Variants in TP53BP1 observed in about 807,000 individuals in gnomAD.
The protein encoded by TP53BP1 is TP53-binding protein 1.
In TP53BP1, 61 loss-of-function variants were observed where a neutral mutation model predicts 200.8. That is an observed-to-expected ratio of 0.30 (90% CI 0.25 to 0.38). The LOEUF (loss-of-function observed/expected upper bound fraction) is 0.38. Among genes scored for constraint, TP53BP1 ranks in the 10% least tolerant of loss-of-function variants. The probability of loss-of-function intolerance (pLI) is 1.00; values close to 1 mark genes in which losing one functional copy is unlikely to be tolerated. For synonymous variants in TP53BP1, 822 were observed against 844.3 expected (o/e 0.97, Z 0.46); for missense variants, 2,144 against 2,371.9 (o/e 0.90, Z 2.00).
At chr15:43,421,275 G>C in intron 19 of TP53BP1, 101 bp from the exon 20 acceptor site, 1 of 1,291,340 alleles carries the variant, frequency 7.7e-7, no homozygotes, top group Non-Finnish European at 1.1e-6. Flanking sequence ...GCCTACATGT[G>C]CTGAGCCTTT....
intron 16 of TP53BP1, among the ~76,000 whole-genome samples, chr15:43,434,555 A>G (rs2045746341): frequency 6.6e-6 from 1 of 152,206 alleles, no homozygotes; most frequent in South Asian, 2.1e-4. Context: ...GATGGTATTA[A>G]GAGGCAGAGC....
chr15:43,471,758 A>AT (rs1775530219), intron 10 of TP53BP1, among the ~76,000 whole-genome samples: 1 of 152,166 alleles, frequency 6.6e-6, no homozygotes, highest in Non-Finnish European at 1.5e-5. Context: ...AATTATTTTT[A>AT]TATTTTTTCA....
chr15:43,432,645 C>G lies in TP53BP1; in HGVS notation c.3224G>C (p.Gly1075Ala). ...GNLLHFPSSQ[G>A]EEEKEKLEGD... ...CTCCAATTTTTCTTTCTCCTCTTCT[C>G]CTTGAGAACTTGGAAAGTGGAGCAA... Residue 1075 changes from glycine to alanine, a missense_variant, in exon 17 of 28, where the codon GGA becomes GCA. By Grantham distance (60) the Gly-to-Ala change is moderately conservative. Coordinates refer to ENST00000382044, the MANE Select transcript of TP53BP1 (RefSeq NM_001141980.3). 6.2e-7 allele frequency: 1 copy of G among 1,605,890 alleles called. No homozygotes were observed. Among genetic ancestry groups the G allele is most frequent in the Non-Finnish European group, 8.5e-7 (1 of 1,174,948 alleles).
At position 43,422,052 on chromosome 15, in the gene TP53BP1, T is replaced by C; in HGVS notation, c.3903A>G (p.Ser1301=). The C allele has an allele frequency of 6.2e-7, 1 of 1,614,170 alleles. No individual in the cohort carries two copies. The highest frequency in any genetic ancestry group is 8.5e-7 in the Non-Finnish European group (1 of 1,180,034). ...AGGAGCTGATATCCCCCAGGTCACC[T>C]GAGGAGCCCCCAGTCTGTGAAGGGG... ...EVSPSQTGGS[S]GDLGDISSFS... The change falls in exon 19 of 28, where the codon TCA becomes TCG. Residue 1301 remains serine, a synonymous_variant. Transcript: ENST00000382044.
intron 11 of TP53BP1, among the ~76,000 whole-genome samples, chr15:43,462,132 G>C (rs1204349138): frequency 1.5e-5 from 2 of 137,750 alleles, no homozygotes; most frequent in Non-Finnish European, 3.1e-5. Flanking sequence ...AGGAGTTCGA[G>C]ACCAGCCTGA....
At chr15:43,473,099 T>C (rs2046767255) in intron 10 of TP53BP1, among the ~76,000 whole-genome samples, 1 of 152,126 alleles carries the variant, frequency 6.6e-6, no homozygotes, top group Non-Finnish European at 1.5e-5. Flanking sequence ...TTCCTCCCAG[T>C]GGGCTCGTGG....
intron 20 of TP53BP1, 81 bp from the exon 21 acceptor site, chr15:43,420,816 G>A: frequency 1.5e-6 from 2 of 1,367,208 alleles, no homozygotes; most frequent in Non-Finnish European, 2.0e-6. Context: ...CCACTCCTTT[G>A]TCCATGGGTC....
At chr15:43,485,568 C>T (rs1027353370) in intron 4 of TP53BP1, among the ~76,000 whole-genome samples, 5 of 754 alleles carry the variant, frequency 6.6e-3, no homozygotes, top group Non-Finnish European at 0.054. Flanking sequence ...CAGAGCGAGA[C>T]GCCGTCTCAA....
chr15:43,493,166 C>T (rs1054994538), upstream of TP53BP1: 28 of 1,538,372 alleles, frequency 1.8e-5, no homozygotes, highest in Admixed American at 1.2e-4. Flanking sequence ...CCCCCTTTCC[C>T]GTCACGTCAC....
At chr15:43,480,068 T>C (rs760513691) in intron 5 of TP53BP1, 51 bp from the exon 6 acceptor site, 16 of 1,550,978 alleles carry the variant, frequency 1.0e-5, no homozygotes, top group East Asian at 9.2e-5. Context: ...CATTATGCAA[T>C]GTACAAGCTG....
intron 21 of TP53BP1, among the ~76,000 whole-genome samples, chr15:43,418,180 T>TA (rs757250428): frequency 0.02 from 2,032 of 100,310 alleles, 26 homozygotes; most frequent in East Asian, 0.031. Context: ...GCTCTGTTTT[T>TA]AAAAAAAAAA....
intron 4 of TP53BP1, among the ~76,000 whole-genome samples, chr15:43,484,428 T>C (rs2079017586): frequency 6.6e-6 from 1 of 152,212 alleles, no homozygotes; most frequent in Non-Finnish European, 1.5e-5. Flanking sequence ...GCTTTCAGTC[T>C]ATTCTTAATC....
Position 43,405,120 on chromosome 15 carries a change from A to T in TP53BP1, c.*2263T>A. On this transcript the variant is annotated 3_prime_UTR_variant, in exon 28 of 28. Transcript: ENST00000382044. ...GTTTTAAGATGACATTATTTAGATC[A>T]CAGGTTATCCTGATTCATATTTCTT... 2.0e-6 allele frequency: 3 copies of T among 1,495,498 alleles called. No homozygotes were observed. The highest frequency in any genetic ancestry group is 2.8e-6 in the Non-Finnish European group (3 of 1,076,152). 92.6% of individuals were successfully genotyped at this position (1,495,498 alleles called of 1,614,324 possible). A position where few individuals can be genotyped will look rare whatever the true frequency, so the allele number is the denominator to read the frequency against.
In TP53BP1 at chr15:43,432,043, T is replaced by C. The variant is rs565151286; in HGVS notation, c.3675+151A>G. 46 of 1,044,870 alleles carry C rather than the reference T, an allele frequency of 4.4e-5. No individual in the cohort carries two copies. In the African/African-American group the frequency reaches 5.7e-4, roughly 13 times the overall value. 64.7% of individuals were successfully genotyped at this position (1,044,870 alleles called of 1,614,324 possible). ...ACCCACAATTTCACTACCATATCTG[T>C]ATCTTAGAAAAGTTGTTTTTGTCTT... On this transcript the variant is annotated intron_variant, in intron 17 of 27. Coordinates refer to ENST00000382044, the MANE Select transcript of TP53BP1 (RefSeq NM_001141980.3).
upstream of TP53BP1, chr15:43,497,317 T>A: frequency 3.3e-6 from 2 of 605,704 alleles, no homozygotes; most frequent in Non-Finnish European, 4.1e-6. Flanking sequence ...GAGGCAGAGG[T>A]TGCAGTGAGC....
In TP53BP1 at chr15:43,403,909, C is replaced by A. The variant is rs1019943825; in HGVS notation, c.*3474G>T. 24 of 745,756 alleles carry A rather than the reference C, an allele frequency of 3.2e-5. No individual in the cohort carries two copies. Among genetic ancestry groups the A allele is most frequent in the Non-Finnish European group, 4.9e-5 (21 of 426,810 alleles). 46.2% of individuals were successfully genotyped at this position (745,756 alleles called of 1,614,324 possible). A position where few individuals can be genotyped will look rare whatever the true frequency, so the allele number is the denominator to read the frequency against. Reference sequence around the variant, plus strand: ...CAGTAAAGCATTTCCTCAATACACACACGTACAGAGATAAGATACAAAGAT... The same window carrying A: ...CAGTAAAGCATTTCCTCAATACACAAACGTACAGAGATAAGATACAAAGAT... On this transcript the variant is annotated 3_prime_UTR_variant, in exon 28 of 28. Coordinates refer to ENST00000382044, the MANE Select transcript of TP53BP1 (RefSeq NM_001141980.3).
rs576964873 is a variant in TP53BP1, at chr15:43,481,888, C to T, written c.372-866G>A. On this transcript the variant is annotated intron_variant, in intron 4 of 27. Coordinates refer to ENST00000382044, the MANE Select transcript of TP53BP1 (RefSeq NM_001141980.3). ...GCAGTAGCACGATCACAGCTTACTG[C>T]AGCCTTGAACTACTGGGCACAAGCA... is the stretch of plus-strand genomic sequence containing the variant. Among the ~76,000 whole-genome samples, 9 of 151,360 alleles carry T rather than the reference C, an allele frequency of 5.9e-5. 1 individual carries two copies. In the South Asian group the frequency reaches 1.5e-3, roughly 25 times the overall value.
In TP53BP1 at chr15:43,407,359, T is replaced by C. The variant is rs775038399; in HGVS notation, c.*24A>G. On this transcript the variant is annotated 3_prime_UTR_variant, in exon 28 of 28. Transcript: ENST00000382044. ...ACACAATCTCCACGATAGCAGGGAA[T>C]AAAACCAGTAAGACCAAGTATCTTT... is the stretch of plus-strand genomic sequence containing the variant. 2.5e-6 allele frequency: 4 copies of C among 1,609,872 alleles called. No homozygotes were observed. Among genetic ancestry groups the C allele is most frequent in the Non-Finnish European group, 2.5e-6 (3 of 1,176,502 alleles).
chr15:43,441,854 G>C (rs575217308), intron 14 of TP53BP1, among the ~76,000 whole-genome samples: 68 of 152,046 alleles, frequency 4.5e-4, no homozygotes, highest in African/African-American at 1.6e-3. Flanking sequence ...GGGTTCAAGC[G>C]ATCTCCTGCC....
Sources: gnomAD v4.1 joint callset for allele counts (sites outside exome capture counted in the v4.1 genomes callset) on GRCh38, gnomAD v4.1.1 for gene constraint, MANE v1.5 for transcripts, NCBI Gene and HGNC (gene_info 2026-07-23, HGNC 2026-07-21) for gene names.